Variants in XRN1 observed in about 807,000 individuals in gnomAD.
The protein encoded by XRN1 is strand-exchange protein 1 homolog.
Under a neutral mutation model 222.3 loss-of-function variants are expected in XRN1, and 67 were observed. The ratio of observed to expected loss-of-function variants is 0.30; its 90% CI spans 0.25 to 0.37. XRN1 has a LOEUF of 0.37. Ranked by LOEUF, XRN1 falls within the 10% of genes least tolerant of loss-of-function variation. The probability of loss-of-function intolerance (pLI) is 1.00; values close to 1 mark genes in which losing one functional copy is unlikely to be tolerated. For synonymous variants in XRN1, 643 were observed against 652.4 expected (o/e 0.99, Z 0.22); for missense variants, 1,707 against 2,000.2 (o/e 0.85, Z 2.80).
At chr3:142,402,177 C>T (rs567878085) in intron 18 of XRN1, among the ~76,000 whole-genome samples, 77 of 151,896 alleles carry the variant, frequency 5.1e-4, no homozygotes, top group Non-Finnish European at 9.4e-4. Context: ...TATAAATAGC[C>T]TTTCTTTTTT....
At chr3:142,334,813 T>C (rs2065807090) in intron 34 of XRN1, among the ~76,000 whole-genome samples, 1 of 149,702 alleles carries the variant, frequency 6.7e-6, no homozygotes, top group Admixed American at 6.7e-5. Context: ...AAAGACCATA[T>C]ATATTGGGAG....
At chr3:142,389,376 A>C (rs1181566104) in intron 20 of XRN1, among the ~76,000 whole-genome samples, 1 of 152,124 alleles carries the variant, frequency 6.6e-6, no homozygotes, top group Non-Finnish European at 1.5e-5. Flanking sequence ...TGAACCTCTC[A>C]AAGTCATATA....
rs2065018704 is a variant in XRN1, at chr3:142,308,692, T to G, written c.*2819A>C. 1 of 152,110 alleles carries G rather than the reference T, an allele frequency of 6.6e-6. No individual in the cohort carries two copies. The highest frequency in any genetic ancestry group is 2.1e-4 in the South Asian group (1 of 4,826). The allele number at this position is 152,110 out of a possible 1,614,324, so 9.4% of individuals were successfully genotyped here. A position where few individuals can be genotyped will look rare whatever the true frequency, so the allele number is the denominator to read the frequency against. On this transcript the variant is annotated 3_prime_UTR_variant, in exon 41 of 41. Coordinates refer to ENST00000392981, the MANE Select transcript of XRN1 (RefSeq NM_001282857.2). ...AGCAATCTTCAAAATTCACTTAAGT[T>G]GCTCAAAAAAGAAAAAACTTATTGA...
intron 15 of XRN1, among the ~76,000 whole-genome samples, chr3:142,407,501 G>C (rs2068388119): frequency 6.6e-6 from 1 of 152,018 alleles, no homozygotes; most frequent in Admixed American, 6.6e-5. Context: ...GCTAATTTTT[G>C]TATTTTTAGT....
At chr3:142,429,482 T>C (rs1377410561) in intron 2 of XRN1, among the ~76,000 whole-genome samples, 11 of 152,054 alleles carry the variant, frequency 7.2e-5, no homozygotes, top group Non-Finnish European at 1.5e-4. Context: ...GAAATTTTAG[T>C]GGCATGGTGG....
At position 142,403,703 on chromosome 3, in the gene XRN1, T is replaced by A; in HGVS notation, c.2074A>T (p.Ile692Phe). The change falls in exon 18 of 41, where the codon ATC (isoleucine) becomes TTC (phenylalanine). Residue 692 changes from isoleucine (I) to phenylalanine (F), a missense_variant. By Grantham distance (21) the Ile-to-Phe change is conservative (BLOSUM62 0). Coordinates refer to ENST00000392981, the MANE Select transcript of XRN1 (RefSeq NM_001282857.2). ...SSRGENMMLE[I>F]LVDAESDELT... ...TCATCTGATTCTGCATCCACTAAGA[T>A]TTCCAACATCATGTTTTCTCCACGA... The A allele has an allele frequency of 6.2e-7, 1 of 1,613,320 alleles. No homozygotes were observed.
At chr3:142,317,016 C>T (rs2065229544) in intron 39 of XRN1, among the ~76,000 whole-genome samples, 1 of 152,172 alleles carries the variant, frequency 6.6e-6, no homozygotes, top group African/African-American at 2.4e-5. Flanking sequence ...GAAACTCATT[C>T]TGCCTCAGGG....
At chr3:142,320,400 C>T (rs918307630) in intron 37 of XRN1, among the ~76,000 whole-genome samples, 6 of 152,088 alleles carry the variant, frequency 3.9e-5, no homozygotes, top group African/African-American at 1.2e-4. Context: ...TCACTCATGA[C>T]CTTTGCCTGT....
In XRN1 at chr3:142,422,617, T is replaced by C. The variant is rs760355778; in HGVS notation, c.932A>G (p.Tyr311Cys). Residue 311 changes from tyrosine (Y) to cysteine (C), a missense_variant, in exon 8 of 41, where the codon TAT (tyrosine) becomes TGT (cysteine). By Grantham distance (194) the Tyr-to-Cys change is radical. This residue lies in a region of XRN1 where 1,234 missense variants were observed against 1,518.2 expected (regional missense o/e 0.81). Coordinates refer to ENST00000392981, the MANE Select transcript of XRN1 (RefSeq NM_001282857.2). The stretch of plus-strand genomic sequence containing the variant: ...TGGCAGGATGGTAACATATGTTCCA[T>C]AAAGAAGAGGCAGTGCATCATGATT... ...HINHDALPLL[Y>C]GTYVTILPEL... The C allele has an allele frequency of 1.2e-6, 2 of 1,613,680 alleles. No homozygotes were observed. Among genetic ancestry groups the C allele is most frequent in the South Asian group, 1.1e-5 (1 of 91,038 alleles).
Position 142,425,329 on chromosome 3 carries a change from G to A in XRN1, c.520C>T (p.Pro174Ser). The A allele has an allele frequency of 6.3e-7, 1 of 1,598,004 alleles. No homozygotes were observed. Among genetic ancestry groups the A allele is most frequent in the Non-Finnish European group, 8.5e-7 (1 of 1,173,610 alleles). ...VTIYFSGHET[P>S]GEGEHKIMEF... ...ATGATTTTATGCTCTCCTTCTCCAG[G>A]AGTCTAAATAAAATTGTTTTTAAAA... The change falls in exon 5 of 41, where the codon CCT becomes TCT. Residue 174 changes from proline to serine, a missense_variant. Pro to Ser is a moderately conservative substitution (Grantham distance 74). This residue lies in a region of XRN1 where 1,234 missense variants were observed against 1,518.2 expected (regional missense o/e 0.81). Coordinates refer to ENST00000392981, the MANE Select transcript of XRN1 (RefSeq NM_001282857.2).
intron 37 of XRN1, among the ~76,000 whole-genome samples, chr3:142,322,688 C>G (rs574803964): frequency 5.0e-4 from 75 of 150,744 alleles, no homozygotes; most frequent in African/African-American, 1.8e-3. Flanking sequence ...AACAAACAAA[C>G]AAAAAAAAAT....
At chr3:142,373,492 G>C (rs1424124127) in intron 25 of XRN1, among the ~76,000 whole-genome samples, 1 of 152,076 alleles carries the variant, frequency 6.6e-6, no homozygotes, top group African/African-American at 2.4e-5. Flanking sequence ...AAGCCTGAAA[G>C]AGCTGAACAG....
chr3:142,336,827 G>A (rs539346990), intron 33 of XRN1, among the ~76,000 whole-genome samples: 1 of 152,044 alleles, frequency 6.6e-6, no homozygotes, highest in South Asian at 2.1e-4. Flanking sequence ...TATTAGTTTG[G>A]AGAAAAATTA....
intron 1 of XRN1, among the ~76,000 whole-genome samples, chr3:142,438,359 C>A (rs1003472933): frequency 6.6e-6 from 1 of 151,912 alleles, no homozygotes; most frequent in Non-Finnish European, 1.5e-5. Flanking sequence ...ATCCAGCAGT[C>A]CAGACCCTTT....
chr3:142,322,860 G>A (rs1487218488), intron 37 of XRN1, among the ~76,000 whole-genome samples: 6 of 151,924 alleles, frequency 3.9e-5, no homozygotes, highest in African/African-American at 4.8e-5. Context: ...TAACTTAGCC[G>A]AGCGTGGTGG....
In XRN1 at chr3:142,403,666, ATACT is replaced by A; in HGVS notation, c.2103+4_2103+7del. 6.2e-7 allele frequency: 1 copy of A among 1,609,520 alleles called. No homozygotes were observed. Among genetic ancestry groups the A allele is most frequent in the Non-Finnish European group, 8.5e-7 (1 of 1,176,554 alleles). Reference sequence around the variant, plus strand: ...ATCTAATAAATGAATGATAAATAAAATACTTACAAGTTCATCTGATTCTGCATCC... The same window carrying A: ...ATCTAATAAATGAATGATAAATAAAATACAAGTTCATCTGATTCTGCATCC... On this transcript the variant is annotated splice_donor_5th_base_variant and intron_variant, in intron 18 of 40. Coordinates refer to ENST00000392981, the MANE Select transcript of XRN1 (RefSeq NM_001282857.2).
intron 20 of XRN1, among the ~76,000 whole-genome samples, chr3:142,393,176 GT>G (rs1251906214): frequency 6.9e-6 from 1 of 145,068 alleles, no homozygotes; most frequent in African/African-American, 2.6e-5. Context: ...GGGGTTGTTT[GT>G]TTTTTTCTTG....
chr3:142,355,480 T>A lies in XRN1; in HGVS notation c.3689A>T (p.Asp1230Val). The change falls in exon 32 of 41, where the codon GAT becomes GTT. Residue 1230 changes from aspartate to valine, a missense_variant. Around this residue, in one of 2 missense-constraint regions of XRN1, gnomAD observed 1,234 missense variants for 1,518.2 expected, o/e 0.81. Coordinates refer to ENST00000392981, the MANE Select transcript of XRN1 (RefSeq NM_001282857.2). ...CTGCCAAATGTTGCAGAATTCATCATCATCTTTAGTAGGTACCTAGCAAAG... is the reference window on the plus strand; with the variant it reads ...CTGCCAAATGTTGCAGAATTCATCAACATCTTTAGTAGGTACCTAGCAAAG... Reference protein sequence around the residue: ...FVPTQVPTKDDDEFCNIWQSL... With the variant: ...FVPTQVPTKDVDEFCNIWQSL... 1 of 1,595,794 alleles carries A rather than the reference T, an allele frequency of 6.3e-7. No homozygotes were observed. The highest frequency in any genetic ancestry group is 8.6e-7 in the Non-Finnish European group (1 of 1,169,442).
At position 142,332,374 on chromosome 3, in the gene XRN1, C is replaced by A; in HGVS notation, c.4222+1G>T. 1 of 1,583,198 alleles carries A rather than the reference C, an allele frequency of 6.3e-7. No individual in the cohort carries two copies. The highest frequency in any genetic ancestry group is 8.6e-7 in the Non-Finnish European group (1 of 1,161,812). On this transcript the variant is annotated splice_donor_variant, in intron 36 of 40. Transcript: ENST00000392981. LOFTEE classifies it high-confidence loss of function. ...TTGGTAATAGTATTTAGTTTACTTA[C>A]CTAATTTCTTATTTTGTTTAGGCTG...
Sources: allele counts gnomAD v4.1 joint callset (sites outside exome capture counted in the v4.1 genomes callset), GRCh38; gene constraint gnomAD v4.1.1; regional missense constraint gnomAD v4.1.1; transcripts MANE v1.5; gene names NCBI Gene and HGNC (gene_info 2026-07-23, HGNC 2026-07-21).